PIP5K1B: variants seen among roughly 807,000 people sequenced by gnomAD.
PIP5K1B encodes phosphatidylinositol 4-phosphate 5-kinase type-1 beta.
In PIP5K1B, 42 loss-of-function variants were observed where a neutral mutation model predicts 67.0. The ratio of observed to expected loss-of-function variants is 0.63; its 90% CI spans 0.49 to 0.81. The LOEUF (loss-of-function observed/expected upper bound fraction) is 0.81, where lower values mean the gene tolerates loss of function less well. PIP5K1B is among the 30% of genes least tolerant of loss of function. The probability of loss-of-function intolerance (pLI) is 0.00; values close to 1 mark genes in which losing one functional copy is unlikely to be tolerated. For synonymous variants in PIP5K1B, 214 were observed against 231.4 expected (o/e 0.92, Z 0.68); for missense variants, 459 against 646.3 (o/e 0.71, Z 3.14).
chr9:68,866,279 G>A (rs1009626738), intron 5 of PIP5K1B, among the ~76,000 whole-genome samples: 2 of 151,192 alleles, frequency 1.3e-5, no homozygotes, highest in Admixed American at 6.6e-5. Context: ...CTGGGCGACA[G>A]GGTGGTACTC....
chr9:68,836,977 A>G (rs1400926428), intron 4 of PIP5K1B, among the ~76,000 whole-genome samples: 1 of 152,240 alleles, frequency 6.6e-6, no homozygotes, highest in Non-Finnish European at 1.5e-5. Context: ...TTAAACCCAC[A>G]GTCTACTCCT....
At chr9:68,990,784 C>T (rs1269506270) in intron 14 of PIP5K1B, among the ~76,000 whole-genome samples, 1 of 151,846 alleles carries the variant, frequency 6.6e-6, no homozygotes, top group Non-Finnish European at 1.5e-5. Flanking sequence ...CTGCCTCAGC[C>T]TCCTGAGTAG....
chr9:68,929,303 T>G (rs918331489), intron 12 of PIP5K1B, among the ~76,000 whole-genome samples: 1 of 152,200 alleles, frequency 6.6e-6, no homozygotes, highest in Non-Finnish European at 1.5e-5. Context: ...GGGTCCGATC[T>G]TCTCCTTAAG....
At chr9:68,940,999 A>G (rs766226788) in intron 14 of PIP5K1B, 14 of 659,940 alleles carry the variant, frequency 2.1e-5, no homozygotes, top group Admixed American at 4.2e-5. Flanking sequence ...ACAGTTGATC[A>G]TTATGTCATG....
At chr9:68,743,431 G>A (rs1327024472) in intron 2 of PIP5K1B, among the ~76,000 whole-genome samples, 1 of 151,964 alleles carries the variant, frequency 6.6e-6, no homozygotes, top group Non-Finnish European at 1.5e-5. Flanking sequence ...TCAAACTCCT[G>A]GGCTCAAGTG....
intron 2 of PIP5K1B, among the ~76,000 whole-genome samples, chr9:68,744,590 C>A (rs1829186806): frequency 6.6e-6 from 1 of 152,140 alleles, no homozygotes; most frequent in South Asian, 2.1e-4. Flanking sequence ...GAGGCTTTTT[C>A]TCTTGCTTAC....
chr9:68,871,984 C>T (rs1322104141), intron 5 of PIP5K1B, among the ~76,000 whole-genome samples: 9 of 151,686 alleles, frequency 5.9e-5, no homozygotes, highest in Admixed American at 5.9e-4. Context: ...AGGAGTTCTA[C>T]TCTTTTTCTG....
chr9:68,734,732 T>C (rs762583575), intron 1 of PIP5K1B, among the ~76,000 whole-genome samples: 5 of 152,234 alleles, frequency 3.3e-5, no homozygotes, highest in Admixed American at 2.6e-4. Flanking sequence ...AGGAAGAACA[T>C]GCTTATCTAT....
chr9:68,917,924 C>G (rs1009101654), intron 9 of PIP5K1B, among the ~76,000 whole-genome samples, 165 bp downstream of exon 9: 1 of 152,134 alleles, frequency 6.6e-6, no homozygotes, highest in Admixed American at 6.5e-5. Context: ...CTAAAGATAA[C>G]TAGATGAGTG....
intron 6 of PIP5K1B, among the ~76,000 whole-genome samples, chr9:68,881,370 G>A (rs971078797): frequency 6.6e-6 from 1 of 152,172 alleles, no homozygotes; most frequent in Non-Finnish European, 1.5e-5. Context: ...ATAAGACATT[G>A]CTTGAAAAAC....
intron 2 of PIP5K1B, among the ~76,000 whole-genome samples, chr9:68,743,576 C>A (rs1459898224): frequency 6.6e-6 from 1 of 152,170 alleles, no homozygotes; most frequent in Non-Finnish European, 1.5e-5. Context: ...ATCCCTTTCA[C>A]ATGGTGTAGA....
intron 14 of PIP5K1B, among the ~76,000 whole-genome samples, chr9:68,979,203 G>T (rs1174030473): frequency 6.6e-6 from 1 of 152,192 alleles, no homozygotes; most frequent in Non-Finnish European, 1.5e-5. Flanking sequence ...TGTAGGACAG[G>T]TTACTCCAGT....
At chr9:68,942,566 C>G (rs1289335066) in intron 14 of PIP5K1B, among the ~76,000 whole-genome samples, 3 of 152,036 alleles carry the variant, frequency 2.0e-5, no homozygotes, top group Non-Finnish European at 4.4e-5. Context: ...AGGGCCTCCT[C>G]CTGACTCCCA....
At chr9:68,856,100 A>G (rs374361896) in intron 4 of PIP5K1B, among the ~76,000 whole-genome samples, 3 of 152,204 alleles carry the variant, frequency 2.0e-5, no homozygotes, top group African/African-American at 7.2e-5. Context: ...TCAAATAAGA[A>G]TGCTGTTCCC....
At chr9:68,838,775 T>C (rs1821765209) in intron 4 of PIP5K1B, among the ~76,000 whole-genome samples, 1 of 152,206 alleles carries the variant, frequency 6.6e-6, no homozygotes, top group African/African-American at 2.4e-5. Context: ...TTTTAATTAA[T>C]TAACTAAAAT....
intron 14 of PIP5K1B, among the ~76,000 whole-genome samples, chr9:68,946,903 T>C (rs977139226): frequency 4.6e-5 from 7 of 152,186 alleles, no homozygotes; most frequent in African/African-American, 1.7e-4. Context: ...TTGTAAAGTG[T>C]GAATTACTAT....
intron 2 of PIP5K1B, among the ~76,000 whole-genome samples, chr9:68,772,032 C>T (rs775778263): frequency 3.3e-5 from 5 of 152,152 alleles, no homozygotes; most frequent in Non-Finnish European, 5.9e-5. Flanking sequence ...AGAAACTGCC[C>T]GCTTTCTCCA....
intron 14 of PIP5K1B, among the ~76,000 whole-genome samples, chr9:68,964,357 C>G (rs755225739): frequency 1.3e-5 from 2 of 152,190 alleles, no homozygotes; most frequent in Admixed American, 1.3e-4. Flanking sequence ...AAGTAAAGAG[C>G]TAATATTTAT....
chr9:68,724,010 C>G (rs1185738349), intron 1 of PIP5K1B, among the ~76,000 whole-genome samples: 2 of 151,908 alleles, frequency 1.3e-5, no homozygotes, highest in African/African-American at 4.8e-5. Flanking sequence ...TTAGGCCTTA[C>G]ATTTAAGTCT....
Sources: gnomAD v4.1 joint callset for allele counts (sites outside exome capture counted in the v4.1 genomes callset) on GRCh38, gnomAD v4.1.1 for gene constraint, MANE v1.5 for transcripts, NCBI Gene and HGNC (gene_info 2026-07-23, HGNC 2026-07-21) for gene names.